PCNX2: variants seen among roughly 807,000 people sequenced by gnomAD.
PCNX2 encodes pecanex 2, also known as pecanex-like protein 2.
PCNX2 carries 168 observed loss-of-function variants against 223.8 expected under a neutral mutation model. The observed-to-expected ratio is 0.75, with a 90% CI of 0.66 to 0.85. PCNX2 has a LOEUF of 0.85. Ranked by LOEUF, PCNX2 falls within the 40% of genes least tolerant of loss-of-function variation. The pLI is 0.00. For synonymous variants in PCNX2, 1,006 were observed against 1,052.6 expected (o/e 0.96, Z 0.86); for missense variants, 2,507 against 2,675.5 (o/e 0.94, Z 1.39).
intron 21 of PCNX2, among the ~76,000 whole-genome samples, chr1:233,117,090 A>G (rs1675456893): frequency 6.6e-6 from 1 of 152,182 alleles, no homozygotes. Context: ...AGAAAACCCA[A>G]TATGAAATAG....
chr1:233,318,741 A>T, the PCNX2 span, among the ~76,000 whole-genome samples: 1 of 151,478 alleles, frequency 6.6e-6, no homozygotes, highest in African/African-American at 2.4e-5. Flanking sequence ...TAAGTTTTGT[A>T]TTTTTAGTAG....
Position 233,135,170 on chromosome 1 carries a change from A to T in PCNX2, c.3680T>A (p.Ile1227Asn). ...CCGCAACAGCTTCATGCCAGCAATG[A>T]TCATCAGAAAAATGTCCCAGCTGTT... ...LGTHWDIFLM[I>N]IAGMKLLRTS... Residue 1227 changes from isoleucine (I) to asparagine (N), a missense_variant, in exon 21 of 34, where the codon ATC becomes AAC. By Grantham distance (149) the Ile-to-Asn change is moderately radical. Around this residue, in one of 3 missense-constraint regions of PCNX2, gnomAD observed 1,372 missense variants for 1,509.4 expected, o/e 0.91. Transcript: ENST00000258229. 1 of 1,613,694 alleles carries T rather than the reference A, an allele frequency of 6.2e-7. No homozygotes were observed.
intron 1 of PCNX2, among the ~76,000 whole-genome samples, chr1:233,277,971 ATTATGT>A (rs1470682978): frequency 6.6e-6 from 1 of 152,192 alleles, no homozygotes; most frequent in African/African-American, 2.4e-5. Flanking sequence ...AACATTACTG[ATTATGT>A]TTATCATTCT....
intron 25 of PCNX2, among the ~76,000 whole-genome samples, chr1:233,048,435 A>G (rs1276218815): frequency 6.6e-6 from 1 of 152,234 alleles, no homozygotes; most frequent in East Asian, 1.9e-4. Flanking sequence ...CAGCCTGGCC[A>G]ACAGAGTGAG....
At chr1:233,037,971 T>C (rs1042796017) in intron 25 of PCNX2, among the ~76,000 whole-genome samples, 1 of 152,246 alleles carries the variant, frequency 6.6e-6, no homozygotes, top group African/African-American at 2.4e-5. Context: ...TCAGAGTATC[T>C]CATTTGATGT....
intron 21 of PCNX2, 144 bp downstream of exon 21, chr1:233,134,869 C>G (rs79829277): frequency 0.021 from 14,824 of 701,544 alleles, 215 homozygotes; most frequent in East Asian, 0.066. Context: ...CAAATGGTAG[C>G]AAGAGTTTAA....
the PCNX2 span, among the ~76,000 whole-genome samples, chr1:233,316,044 T>G: frequency 6.6e-6 from 1 of 152,180 alleles, no homozygotes; most frequent in Non-Finnish European, 1.5e-5. Context: ...CTTCCAGGGT[T>G]TACAAAAGAT....
chr1:233,204,052 G>A (rs1681301647), intron 13 of PCNX2, among the ~76,000 whole-genome samples: 1 of 152,158 alleles, frequency 6.6e-6, no homozygotes, highest in Non-Finnish European at 1.5e-5. Flanking sequence ...AGATGTTGAA[G>A]TTCTAACTCC....
rs1659832393 is a variant in PCNX2, at chr1:233,258,092, C to T, written c.1770G>A (p.Lys590=). 2 of 1,613,984 alleles carry T rather than the reference C, an allele frequency of 1.2e-6. No homozygotes were observed. The highest frequency in any genetic ancestry group is 2.7e-5 in the African/African-American group (2 of 75,044). ...VSLLESINTS[K]MTASSQLNGS... ...CATTCAGTTGACTGGATGCCGTCAT[C>T]TTGGAAGTATTAATGGATTCTAACA... Residue 590 remains lysine (K), a synonymous_variant, in exon 5 of 34, where the codon AAG becomes AAA. Coordinates refer to ENST00000258229, the MANE Select transcript of PCNX2 (RefSeq NM_014801.4).
At chr1:233,318,319 C>A in the PCNX2 span, among the ~76,000 whole-genome samples, 1 of 151,996 alleles carries the variant, frequency 6.6e-6, no homozygotes, top group Admixed American at 6.5e-5. Context: ...TTTTTCCTCA[C>A]CCCTCCCTTT....
intron 21 of PCNX2, among the ~76,000 whole-genome samples, chr1:233,116,490 T>G (rs1218637713): frequency 2.0e-5 from 3 of 152,046 alleles, no homozygotes; most frequent in South Asian, 2.1e-4. Flanking sequence ...TAGAAATGAA[T>G]AATAGAAAGA....
intron 17 of PCNX2, among the ~76,000 whole-genome samples, chr1:233,165,106 A>G (rs541513230): frequency 1.3e-5 from 2 of 152,358 alleles, no homozygotes; most frequent in Non-Finnish European, 2.9e-5. Context: ...GAATGCATAC[A>G]TGTATGAAAA....
intron 12 of PCNX2, 68 bp from the exon 13 acceptor site, chr1:233,208,757 A>C: frequency 7.0e-7 from 1 of 1,434,622 alleles, no homozygotes; most frequent in Non-Finnish European, 9.5e-7. Flanking sequence ...CCTCATAGTC[A>C]ATAATTTACA....
intron 24 of PCNX2, among the ~76,000 whole-genome samples, chr1:233,055,076 A>G (rs958976769): frequency 6.6e-6 from 1 of 152,210 alleles, no homozygotes; most frequent in African/African-American, 2.4e-5. Flanking sequence ...CTGCTGAAGG[A>G]CACTTGGGTT....
chr1:233,232,753 A>C (rs1256577694), intron 9 of PCNX2: 1 of 943,058 alleles, frequency 1.1e-6, no homozygotes, highest in Non-Finnish European at 1.3e-6. Flanking sequence ...TGCTACCTTT[A>C]TATCTACCTA....
At chr1:233,058,691 G>A (rs1672286986) in intron 23 of PCNX2, among the ~76,000 whole-genome samples, 1 of 124,120 alleles carries the variant, frequency 8.1e-6, no homozygotes, top group African/African-American at 3.5e-5. Flanking sequence ...TTTTGAGATG[G>A]AGTCTCGCTC....
chr1:233,292,118 A>G (rs1661799677), intron 1 of PCNX2: 1 of 807,612 alleles, frequency 1.2e-6, no homozygotes, highest in Admixed American at 6.2e-5. Flanking sequence ...TCAATAATTA[A>G]TAATAAAAAT....
chr1:233,252,272 C>T, intron 7 of PCNX2, 82 bp downstream of exon 7: 2 of 1,446,184 alleles, frequency 1.4e-6, no homozygotes, highest in Non-Finnish European at 1.9e-6. Flanking sequence ...GTCTAGTACT[C>T]ATGCTAAGGT....
chr1:233,200,298 T>A (rs12024129), intron 13 of PCNX2, 34 bp from the exon 14 acceptor site: 281,650 of 1,462,534 alleles, frequency 0.19, 31,084 homozygotes, highest in East Asian at 0.5. Flanking sequence ...ACGATAAGCA[T>A]GGGGAACTGT....
Sources: gnomAD v4.1 joint callset for allele counts (sites outside exome capture counted in the v4.1 genomes callset) on GRCh38, gnomAD v4.1.1 for gene constraint, gnomAD v4.1.1 regional missense constraint, MANE v1.5 for transcripts, NCBI Gene and HGNC (gene_info 2026-07-23, HGNC 2026-07-21) for gene names.